Variants in CSNK2A2 observed in about 807,000 individuals in gnomAD.
The protein encoded by CSNK2A2 is casein kinase 2 alpha 2.
CSNK2A2 carries 8 observed loss-of-function variants against 54.0 expected under a neutral mutation model. The observed-to-expected ratio is 0.15, with a 90% confidence interval of 0.09 to 0.27. The LOEUF is 0.27. Ranked by LOEUF, CSNK2A2 falls within the 10% of genes least tolerant of loss-of-function variation. The pLI is 1.00. For synonymous variants in CSNK2A2, 141 were observed against 153.9 expected (o/e 0.92, Z 0.62); for missense variants, 242 against 439.4 (o/e 0.55, Z 4.02).
At chr16:58,159,047 A>T (rs1032826126) in intron 11 of CSNK2A2, 2 of 152,280 alleles carry the variant, frequency 1.3e-5, no homozygotes, top group Non-Finnish European at 2.9e-5. Flanking sequence ...CATTTCATGA[A>T]AACTTTCTTT....
In CSNK2A2 at chr16:58,171,394, G is replaced by A. The variant is rs149001605; in HGVS notation, c.430-2701C>T. 5.4e-3 allele frequency among the ~76,000 whole-genome samples: 815 copies of A among 152,048 alleles called. 17 individuals carry two copies. Among genetic ancestry groups the A allele is most frequent in the Admixed American group, 0.021 (314 of 15,254 alleles). ...AAAAATTAGCCAGGTGTGGTGGTGCGTGCCTGTAATCCCAACTACTCAGGA... is the reference window on the plus strand; with the variant it reads ...AAAAATTAGCCAGGTGTGGTGGTGCATGCCTGTAATCCCAACTACTCAGGA... On this transcript the variant is annotated intron_variant, in intron 5 of 11. Transcript: ENST00000262506.
Position 58,188,955 on chromosome 16 carries a change from CTTTTTTTTTTT to C in CSNK2A2, c.217-2110_217-2100del, listed in dbSNP as rs57552824. Among the ~76,000 whole-genome samples, 134 of 99,626 alleles carry C rather than the reference CTTTTTTTTTTT, an allele frequency of 1.3e-3. 2 individuals are homozygous for C. The East Asian group carries it at 0.039, about 29-fold the overall frequency. The allele number at this position is 99,626 out of a possible 152,430, so 65.4% of individuals were successfully genotyped here. A position where few individuals can be genotyped will look rare whatever the true frequency, so the allele number is the denominator to read the frequency against. On this transcript the variant is annotated intron_variant, in intron 2 of 11. Transcript: ENST00000262506. Reference sequence around the variant, plus strand: ...AAGTTAAAAGAAAAATAAAAACTGGCTTTTTTTTTTTTTTTTTTTGAGACGGAGTCTCACTC... The same window carrying C: ...AAGTTAAAAGAAAAATAAAAACTGGCTTTTTTTTGAGACGGAGTCTCACTC...
intron 11 of CSNK2A2, among the ~76,000 whole-genome samples, chr16:58,158,731 C>T (rs959090620): frequency 6.6e-6 from 1 of 152,156 alleles, no homozygotes; most frequent in African/African-American, 2.4e-5. Flanking sequence ...GCTCTAGGTC[C>T]CCCTCAGACC....
In CSNK2A2 at chr16:58,181,630, TAA is replaced by T. The variant is rs535412179; in HGVS notation, c.369+2628_369+2629del. Among the ~76,000 whole-genome samples, 121 of 152,136 alleles carry T rather than the reference TAA, an allele frequency of 8.0e-4. 1 individual carries two copies. Among genetic ancestry groups the T allele is most frequent in the Admixed American group, 4.5e-3 (69 of 15,276 alleles). On this transcript the variant is annotated intron_variant, in intron 4 of 11. Transcript: ENST00000262506. ...AAAATAGAAGGTATTACATAAAACA[TAA>T]AAGAACAGGATACTATTTTAAAAAG...
intron 5 of CSNK2A2, among the ~76,000 whole-genome samples, chr16:58,170,850 T>G (rs556091681): frequency 6.6e-6 from 1 of 152,240 alleles, no homozygotes; most frequent in African/African-American, 2.4e-5. Context: ...ATGTAAAAAT[T>G]TGCTTCTAAA....
chr16:58,178,410 G>A (rs2142429737), intron 4 of CSNK2A2, among the ~76,000 whole-genome samples: 1 of 151,922 alleles, frequency 6.6e-6, no homozygotes, highest in East Asian at 1.9e-4. Context: ...TCTGCCTCCT[G>A]AGTAGCTGGG....
intron 3 of CSNK2A2, 121 bp downstream of exon 3, chr16:58,186,634 A>C: frequency 1.5e-6 from 1 of 664,252 alleles, no homozygotes; most frequent in Non-Finnish European, 2.5e-6. Context: ...CAAACCAGTC[A>C]GTAGTTAAAG....
At chr16:58,167,068 G>A in intron 8 of CSNK2A2, 139 bp downstream of exon 8, 1 of 575,808 alleles carries the variant, frequency 1.7e-6, no homozygotes, top group South Asian at 3.1e-5. Context: ...AAAATTCTGT[G>A]CGATCTTTAT....
At chr16:58,164,209 G>T in intron 10 of CSNK2A2, 62 bp from the exon 11 acceptor site, 1 of 1,482,898 alleles carries the variant, frequency 6.7e-7, no homozygotes, top group Non-Finnish European at 9.4e-7. Context: ...GAAGCCCATG[G>T]CAAACCCACC....
intron 3 of CSNK2A2, among the ~76,000 whole-genome samples, chr16:58,186,038 C>G (rs1248332099): frequency 6.6e-6 from 1 of 152,134 alleles, no homozygotes; most frequent in Non-Finnish European, 1.5e-5. Context: ...GGGAGGATAA[C>G]AGGGAAATAT....
At chr16:58,160,350 G>A (rs1261308996) in intron 11 of CSNK2A2, 2 of 152,124 alleles carry the variant, frequency 1.3e-5, no homozygotes, top group Non-Finnish European at 2.9e-5. Context: ...GTTTCTGTGG[G>A]TGCTCACACA....
At chr16:58,194,131 T>C (rs921925615) in intron 2 of CSNK2A2, among the ~76,000 whole-genome samples, 6 of 152,180 alleles carry the variant, frequency 3.9e-5, no homozygotes, top group Non-Finnish European at 8.8e-5. Flanking sequence ...CCACCCTCTA[T>C]CTTGGTCACT....
intron 2 of CSNK2A2, among the ~76,000 whole-genome samples, chr16:58,189,113 C>A (rs1450566890): frequency 6.6e-6 from 1 of 151,956 alleles, no homozygotes; most frequent in South Asian, 2.1e-4. Context: ...TGTGCCACCA[C>A]GCCCAGCTAA....
chr16:58,174,553 T>C, intron 4 of CSNK2A2, 43 bp from the exon 5 acceptor site: 1 of 1,524,130 alleles, frequency 6.6e-7, no homozygotes, highest in Non-Finnish European at 9.1e-7. Flanking sequence ...TTAGTCTCAC[T>C]GCATCTTGTC....
At chr16:58,174,369 T>C in intron 5 of CSNK2A2, 82 bp downstream of exon 5, 2 of 985,442 alleles carry the variant, frequency 2.0e-6, no homozygotes, top group East Asian at 2.6e-5. Flanking sequence ...AACATTCTGC[T>C]TAAGTTCTCT....
intron 10 of CSNK2A2, among the ~76,000 whole-genome samples, chr16:58,164,713 T>C (rs978435472): frequency 2.0e-5 from 3 of 151,998 alleles, no homozygotes; most frequent in African/African-American, 4.8e-5. Flanking sequence ...GACATCTGAG[T>C]TTCCTGGGGC....
chr16:58,196,936 C>A, intron 1 of CSNK2A2, 92 bp from the exon 2 acceptor site: 1 of 818,394 alleles, frequency 1.2e-6, no homozygotes, highest in African/African-American at 1.7e-5. Context: ...TTCCACCAGG[C>A]AAACACTTGG....
chr16:58,165,737 C>G, intron 9 of CSNK2A2, 29 bp from the exon 10 acceptor site: 1 of 1,597,382 alleles, frequency 6.3e-7, no homozygotes, highest in Non-Finnish European at 8.5e-7. Context: ...CATTAGTAAC[C>G]AGAGACTAAA....
intron 3 of CSNK2A2, 65 bp from the exon 4 acceptor site, chr16:58,184,375 C>A: frequency 2.6e-6 from 3 of 1,168,544 alleles, no homozygotes; most frequent in South Asian, 1.4e-5. Context: ...CTGCTTCTGC[C>A]AAAATGGCCC....
Sources: allele counts gnomAD v4.1 joint callset (sites outside exome capture counted in the v4.1 genomes callset), GRCh38; gene constraint gnomAD v4.1.1; transcripts MANE v1.5; gene names NCBI Gene and HGNC (gene_info 2026-07-23, HGNC 2026-07-21).